ASIC2: variants seen among roughly 807,000 people sequenced by gnomAD.
The protein encoded by ASIC2 is acid-sensing ion channel 2.
A neutral mutation model predicts 57.3 loss-of-function variants in ASIC2; 25 were observed. The ratio of observed to expected loss-of-function variants is 0.44; its 90% CI spans 0.32 to 0.61. The LOEUF is 0.61. Among genes scored for constraint, ASIC2 ranks in the 20% least tolerant of loss-of-function variants. ASIC2 has a pLI of 0.06. For missense variants in ASIC2, 641 were observed against 738.1 expected (o/e 0.87, Z 1.52); for synonymous variants, 319 against 307.5 (o/e 1.04, Z -0.39).
At chr17:33,223,827 C>T (rs758914109) in intron 1 of ASIC2, among the ~76,000 whole-genome samples, 2 of 152,148 alleles carry the variant, frequency 1.3e-5, no homozygotes, top group Admixed American at 6.5e-5. Context: ...TCCTCCATGC[C>T]GGATGCTTTG....
At chr17:33,151,828 C>T (rs1904812170) in intron 1 of ASIC2, among the ~76,000 whole-genome samples, 2 of 152,208 alleles carry the variant, frequency 1.3e-5, no homozygotes. Flanking sequence ...AAATAAATCT[C>T]TGTTCTTTAT....
chr17:33,170,770 C>A (rs1905484409), intron 1 of ASIC2, among the ~76,000 whole-genome samples: 2 of 152,184 alleles, frequency 1.3e-5, no homozygotes, highest in South Asian at 4.1e-4. Context: ...TTGCCCAAGC[C>A]CTCATCAGAC....
intron 1 of ASIC2, among the ~76,000 whole-genome samples, chr17:33,433,484 A>G (rs1004817807): frequency 2.0e-5 from 3 of 152,250 alleles, no homozygotes; most frequent in Non-Finnish European, 4.4e-5. Context: ...GGCCAGGCAC[A>G]GTGGCTCACG....
intron 1 of ASIC2, among the ~76,000 whole-genome samples, chr17:33,897,256 T>C (rs750256305): frequency 3.3e-5 from 5 of 152,212 alleles, no homozygotes; most frequent in African/African-American, 4.8e-5. Flanking sequence ...CCAACTTCAA[T>C]GATATTCTGC....
rs566958754 is a variant in ASIC2, at chr17:33,636,662, A to C, written c.555+519316T>G. Among the ~76,000 whole-genome samples, 3 of 152,308 alleles carry C rather than the reference A, an allele frequency of 2.0e-5. No homozygotes were observed. In the South Asian group the frequency reaches 6.2e-4, roughly 32 times the overall value. On this transcript the variant is annotated intron_variant, in intron 1 of 9. Coordinates refer to the ASIC2 transcript ENST00000359872. ...GAAGATATTAACTGAAATTTTCTCA[A>C]TCATTCACTCTACTCCTTTCTAGGA... is the stretch of plus-strand genomic sequence containing the variant.
intron 1 of ASIC2, among the ~76,000 whole-genome samples, chr17:33,857,802 A>G (rs1406235252): frequency 6.6e-6 from 1 of 152,244 alleles, no homozygotes; most frequent in Non-Finnish European, 1.5e-5. Flanking sequence ...TTGTAGATCC[A>G]GAAACTTCCC....
At chr17:33,620,756 T>C (rs1179343019) in intron 1 of ASIC2, among the ~76,000 whole-genome samples, 1 of 152,252 alleles carries the variant, frequency 6.6e-6, no homozygotes, top group South Asian at 2.1e-4. Context: ...GGAGTCAGAC[T>C]GTAATGCTCA....
chr17:34,047,446 T>C (rs1908379190), intron 1 of ASIC2, among the ~76,000 whole-genome samples: 1 of 146,142 alleles, frequency 6.8e-6, no homozygotes, highest in Admixed American at 7.0e-5. Flanking sequence ...GATTCTAATA[T>C]TCTATAACAT....
chr17:34,022,629 G>GAAAAAAAAAAAA (rs796222459), intron 1 of ASIC2, among the ~76,000 whole-genome samples: 1 of 90,244 alleles, frequency 1.1e-5, no homozygotes, highest in African/African-American at 4.2e-5. Flanking sequence ...AATTTCCCAT[G>GAAAAAAAAAAAA]AAAAAAAAAA....
intron 1 of ASIC2, among the ~76,000 whole-genome samples, chr17:34,154,204 G>T (rs1240954261): frequency 6.6e-6 from 1 of 152,210 alleles, no homozygotes; most frequent in Non-Finnish European, 1.5e-5. Flanking sequence ...CAGTGGTGAA[G>T]CCGAGCGTTG....
chr17:33,372,992 A>T (rs907522891), intron 1 of ASIC2, among the ~76,000 whole-genome samples: 2 of 152,100 alleles, frequency 1.3e-5, no homozygotes, highest in Non-Finnish European at 2.9e-5. Flanking sequence ...GAACACCTCC[A>T]TCAGTGATGC....
At chr17:33,014,589 C>T (rs1370624252) in intron 9 of ASIC2, among the ~76,000 whole-genome samples, 2 of 152,138 alleles carry the variant, frequency 1.3e-5, no homozygotes, top group African/African-American at 4.8e-5. Context: ...AGTTGTGGGT[C>T]CCTAAGCGGG....
intron 1 of ASIC2, among the ~76,000 whole-genome samples, chr17:33,530,940 G>T (rs944331944): frequency 1.3e-5 from 2 of 152,108 alleles, no homozygotes; most frequent in East Asian, 3.9e-4. Flanking sequence ...ACAAGAACTT[G>T]CTGAGTTAGC....
intron 1 of ASIC2, among the ~76,000 whole-genome samples, chr17:33,788,157 C>T (rs1041212273): frequency 2.6e-5 from 4 of 152,016 alleles, no homozygotes; most frequent in Admixed American, 2.0e-4. Context: ...TTGCAATCTA[C>T]CCATCTGACA....
At chr17:33,394,995 ATCCCTCCC>A (rs955915641) in intron 1 of ASIC2, among the ~76,000 whole-genome samples, 8 of 149,456 alleles carry the variant, frequency 5.4e-5, no homozygotes, top group South Asian at 2.1e-4. Context: ...CTATCCATCC[ATCCCTCCC>A]TCCCTCCCTC....
chr17:33,095,628 A>T (rs980001824), intron 2 of ASIC2, among the ~76,000 whole-genome samples: 2 of 152,148 alleles, frequency 1.3e-5, no homozygotes, highest in African/African-American at 4.8e-5. Context: ...GTTCACATGA[A>T]ACCTGCTGAG....
At chr17:33,835,593 G>A (rs78338340) in intron 1 of ASIC2, among the ~76,000 whole-genome samples, 2,931 of 152,080 alleles carry the variant, frequency 0.019, 74 homozygotes, top group African/African-American at 0.061. Flanking sequence ...AGTGACTAGC[G>A]GAAGATCACA....
At position 33,898,220 on chromosome 17, in the gene ASIC2, C is replaced by CTTTTTTTTT. The variant is rs771624171; in HGVS notation, c.555+257749_555+257757dup. The stretch of plus-strand genomic sequence containing the variant: ...AAACTGCCCAGAGTTCATGTATAAT[C>CTTTTTTTTT]TTTTTTTTTTTTTTTTTTTTTTTTT... On this transcript the variant is annotated intron_variant, in intron 1 of 9. Coordinates refer to the ASIC2 transcript ENST00000359872. Among the ~76,000 whole-genome samples, 358 of 66,178 alleles carry CTTTTTTTTT rather than the reference C, an allele frequency of 5.4e-3. 91 individuals carry two copies. Among genetic ancestry groups the CTTTTTTTTT allele is most frequent in the African/African-American group, 7.3e-3 (122 of 16,774 alleles). The allele number at this position is 66,178 out of a possible 152,430, so 43.4% of individuals were successfully genotyped here.
At chr17:33,502,704 A>G (rs888234531) in intron 1 of ASIC2, among the ~76,000 whole-genome samples, 1 of 152,154 alleles carries the variant, frequency 6.6e-6, no homozygotes, top group Non-Finnish European at 1.5e-5. Context: ...TTTCCCATGA[A>G]ATCAGTTCTT....
Sources: gnomAD v4.1 joint callset for allele counts (sites outside exome capture counted in the v4.1 genomes callset) on GRCh38, gnomAD v4.1.1 for gene constraint, MANE v1.5 for transcripts, NCBI Gene and HGNC (gene_info 2026-07-23, HGNC 2026-07-21) for gene names.